Variants in CREBBP observed in about 807,000 individuals in gnomAD.
The protein encoded by CREBBP is CREB binding lysine acetyltransferase, also known as CREB-binding protein.
In CREBBP, 19 loss-of-function variants were observed where a neutral mutation model predicts 265.0. The ratio of observed to expected loss-of-function variants is 0.07; its 90% CI spans 0.05 to 0.11. CREBBP has a LOEUF of 0.11. Ranked by LOEUF, CREBBP falls within the 10% of genes least tolerant of loss-of-function variation. CREBBP has a pLI of 1.00. For missense variants in CREBBP, 2,525 were observed against 3,219.0 expected (o/e 0.78, Z 5.22); for synonymous variants, 1,457 against 1,223.7 (o/e 1.19, Z -3.98).
At chr16:3,777,557 A>G in intron 11 of CREBBP, 56 bp downstream of exon 11, 3 of 1,559,038 alleles carry the variant, frequency 1.9e-6, no homozygotes, top group Non-Finnish European at 2.7e-6. Flanking sequence ...AAACAGTGAA[A>G]GTTATGGCTG....
At chr16:3,772,199 T>A (rs1465638920) in intron 13 of CREBBP, among the ~76,000 whole-genome samples, 1 of 151,448 alleles carries the variant, frequency 6.6e-6, no homozygotes, top group Non-Finnish European at 1.5e-5. Flanking sequence ...TTTTTTAAGT[T>A]GCTTCTTCCC....
intron 27 of CREBBP, 41 bp from the exon 28 acceptor site, chr16:3,736,244 C>G (rs373715523): frequency 4.4e-6 from 7 of 1,593,622 alleles, no homozygotes; most frequent in Admixed American, 3.3e-5. Context: ...GGGCCATGCA[C>G]GCGTGCCCCC....
At chr16:3,786,757 A>C (rs1413485515) in intron 5 of CREBBP, among the ~76,000 whole-genome samples, 1 of 152,172 alleles carries the variant, frequency 6.6e-6, no homozygotes, top group Non-Finnish European at 1.5e-5. Context: ...GGATACCAAG[A>C]CACTTAGATT....
chr16:3,852,953 T>C (rs147597856), intron 1 of CREBBP, among the ~76,000 whole-genome samples: 161 of 150,852 alleles, frequency 1.1e-3, no homozygotes, highest in African/African-American at 3.7e-3. Flanking sequence ...ATCTTAGTAT[T>C]ATCTGTAGCA....
Position 3,758,051 on chromosome 16 carries a change from T to TAAAA in CREBBP, c.3370-7_3370-4dup. The TAAAA allele has an allele frequency of 2.1e-6, 3 of 1,444,606 alleles. No homozygotes were observed. Among genetic ancestry groups the TAAAA allele is most frequent in the Admixed American group, 1.8e-5 (1 of 54,544 alleles). The allele number at this position is 1,444,606 out of a possible 1,614,324, so 89.5% of individuals were successfully genotyped here. Reference sequence around the variant, plus strand: ...TTCTTTACGATGTCAAAATAGTCCTTAAAAAAAAAAAAATGGTCTCAGTAT... The same window carrying TAAAA: ...TTCTTTACGATGTCAAAATAGTCCTTAAAAAAAAAAAAAAAAATGGTCTCAGTAT... On this transcript the variant is annotated splice_region_variant and splice_polypyrimidine_tract_variant and intron_variant, in intron 17 of 30. Transcript: ENST00000262367.
In CREBBP at chr16:3,731,578, G is replaced by A. The variant is rs1405775888; in HGVS notation, c.4891-105C>T. 4.1e-6 allele frequency: 6 copies of A among 1,451,884 alleles called. No individual in the cohort carries two copies. The East Asian group carries it at 7.2e-5, about 17-fold the overall frequency. The allele number at this position is 1,451,884 out of a possible 1,614,324, so 89.9% of individuals were successfully genotyped here. A position where few individuals can be genotyped will look rare whatever the true frequency, so the allele number is the denominator to read the frequency against. The stretch of plus-strand genomic sequence containing the variant: ...CAGCCTGCAGAATAGGCAGGTGGCT[G>A]AGCCTGATGGCCCTGATGCCTTGGG... On this transcript the variant is annotated intron_variant, in intron 29 of 30. Coordinates refer to ENST00000262367, the MANE Select transcript of CREBBP (RefSeq NM_004380.3). This position sits in a 1 kb window ranked among gnomAD's most constrained non-coding sequence, Gnocchi z 7.7.
rs545963383 is a variant in CREBBP, at chr16:3,764,285, CTTTATT to C, written c.3250+3429_3250+3434del. Among the ~76,000 whole-genome samples, 17 of 151,756 alleles carry C rather than the reference CTTTATT, an allele frequency of 1.1e-4. No individual in the cohort carries two copies. In the South Asian group the frequency reaches 3.5e-3, roughly 32 times the overall value. ...CTGCTCCCAGCCAAGAAAAAATATT[CTTTATT>C]TTTAAGACAGGGTCTCACTCTCTCA... On this transcript the variant is annotated intron_variant, in intron 16 of 30. Coordinates refer to ENST00000262367, the MANE Select transcript of CREBBP (RefSeq NM_004380.3).
At chr16:3,743,250 CA>C (rs1231953949) in intron 23 of CREBBP, 1 of 152,270 alleles carries the variant, frequency 6.6e-6, no homozygotes, top group East Asian at 1.9e-4. Context: ...GCCCCTAAAA[CA>C]GAGGGTTACC....
chr16:3,840,901 A>G (rs1366829035), intron 2 of CREBBP: 1 of 156,040 alleles, frequency 6.4e-6, no homozygotes, highest in Non-Finnish European at 1.5e-5. Flanking sequence ...GTTCAGAATG[A>G]ATCAAGAAGT....
At chr16:3,808,551 C>A (rs971867081) in intron 3 of CREBBP, among the ~76,000 whole-genome samples, 5 of 152,230 alleles carry the variant, frequency 3.3e-5, no homozygotes, top group South Asian at 2.1e-4. Context: ...TCTTTGCAGT[C>A]CCGGGCAGAA....
rs958660347 is a variant in CREBBP at position 3,726,723 on chromosome 16, T to C, written c.*995A>G. 4.3e-6 allele frequency: 1 copy of C among 233,478 alleles called. No homozygotes were observed. Among genetic ancestry groups the C allele is most frequent in the African/African-American group, 2.2e-5 (1 of 45,334 alleles). 14.5% of individuals were successfully genotyped at this position (233,478 alleles called of 1,614,324 possible). ...CAATGGGGAAAAAACACATGCATAG[T>C]CCAAATACAATGTTGAAAACAGCAT... On this transcript the variant is annotated 3_prime_UTR_variant, in exon 31 of 31. Transcript: ENST00000262367.
chr16:3,823,658 T>C (rs957714594), intron 2 of CREBBP, among the ~76,000 whole-genome samples: 3 of 152,204 alleles, frequency 2.0e-5, no homozygotes, highest in African/African-American at 7.2e-5. Context: ...CAATGATCCC[T>C]GCTGTTTGAA....
rs2053261835 is a variant in CREBBP at position 3,781,018 on chromosome 16, A to G, written c.1677-140T>C. ...CAAGTGATGTAAATAAATAAAACTT[A>G]AACTATGTTTTAATCTATTATCTGC... On this transcript the variant is annotated intron_variant, in intron 7 of 30. Transcript: ENST00000262367. 4.3e-6 allele frequency: 5 copies of G among 1,153,888 alleles called. No individual in the cohort carries two copies. The South Asian group carries it at 6.6e-5, about 15-fold the overall frequency. 71.5% of individuals were successfully genotyped at this position (1,153,888 alleles called of 1,614,324 possible). A position where few individuals can be genotyped will look rare whatever the true frequency, so the allele number is the denominator to read the frequency against.
At chr16:3,751,565 C>T in intron 20 of CREBBP, among the ~76,000 whole-genome samples, 161 bp downstream of exon 20, 1 of 152,196 alleles carries the variant, frequency 6.6e-6, no homozygotes, top group East Asian at 1.9e-4. Flanking sequence ...GCACACCACC[C>T]AGGTGACAGA....
chr16:3,792,184 G>C, intron 4 of CREBBP, 90 bp from the exon 5 acceptor site: 1 of 1,096,994 alleles, frequency 9.1e-7, no homozygotes, highest in Non-Finnish European at 1.4e-6. Flanking sequence ...GATTCCATAA[G>C]AAAATGGTAA....
In CREBBP at chr16:3,737,386, G is replaced by C. The variant is rs748246746; in HGVS notation, c.4395-571C>G. On this transcript the variant is annotated intron_variant, in intron 26 of 30. Transcript: ENST00000262367. ...AAGACAAATTCAGAGAGACAAAGTA[G>C]ATTAGTGGTCGCCTGGGGCAGGGAA... Among the ~76,000 whole-genome samples, 69 of 151,854 alleles carry C rather than the reference G, an allele frequency of 4.5e-4. 2 individuals carry two copies. The highest frequency in any genetic ancestry group is 1.3e-4 in the Admixed American group (2 of 15,264).
At chr16:3,755,595 T>TAATACATC (rs1280786726) in intron 19 of CREBBP, among the ~76,000 whole-genome samples, 6 of 152,100 alleles carry the variant, frequency 3.9e-5, no homozygotes, top group African/African-American at 1.4e-4. Context: ...CTTAATACAT[T>TAATACATC]AATACATCAT....
chr16:3,735,875 G>A (rs919569849), intron 28 of CREBBP, among the ~76,000 whole-genome samples, 161 bp downstream of exon 28: 9 of 152,148 alleles, frequency 5.9e-5, no homozygotes, highest in African/African-American at 2.2e-4. Flanking sequence ...AGCCCACACT[G>A]CTGCCCACCA....
At chr16:3,739,479 C>A in intron 25 of CREBBP, 99 bp downstream of exon 25, 1 of 1,424,896 alleles carries the variant, frequency 7.0e-7, no homozygotes, top group South Asian at 1.2e-5. Context: ...CTTTAATCCC[C>A]TATGAAGGCT....
Sources: gnomAD v4.1 joint callset for allele counts (sites outside exome capture counted in the v4.1 genomes callset) on GRCh38, gnomAD v4.1.1 for gene constraint, Gnocchi (gnomAD v3.1) non-coding constraint, MANE v1.5 for transcripts, NCBI Gene and HGNC (gene_info 2026-07-23, HGNC 2026-07-21) for gene names.